ASIC2: variants seen among roughly 807,000 people sequenced by gnomAD.
ASIC2 encodes the protein acid-sensing ion channel 2.
A neutral mutation model predicts 57.3 loss-of-function variants in ASIC2; 25 were observed. That is an observed-to-expected ratio of 0.44 (90% CI 0.32 to 0.61). The LOEUF (loss-of-function observed/expected upper bound fraction) is 0.61, where lower values mean the gene tolerates loss of function less well. Ranked by LOEUF, ASIC2 falls within the 20% of genes least tolerant of loss-of-function variation. ASIC2 has a pLI of 0.06. For missense variants in ASIC2, 641 were observed against 738.1 expected (o/e 0.87, Z 1.52); for synonymous variants, 319 against 307.5 (o/e 1.04, Z -0.39).
chr17:33,935,525 A>C (rs1410986214), intron 1 of ASIC2: 1 of 152,252 alleles, frequency 6.6e-6, no homozygotes, highest in African/African-American at 2.4e-5. Flanking sequence ...AATAAGGAAT[A>C]GCAATGAAAA....
intron 1 of ASIC2, among the ~76,000 whole-genome samples, chr17:33,940,959 G>A (rs367589847): frequency 1.7e-4 from 26 of 152,356 alleles, no homozygotes; most frequent in Middle Eastern, 3.4e-3. Context: ...AGCCTCCAGG[G>A]CCAGGCTGAG....
chr17:33,624,482 T>G (rs901811722), intron 1 of ASIC2, among the ~76,000 whole-genome samples: 2 of 152,238 alleles, frequency 1.3e-5, no homozygotes, highest in Non-Finnish European at 2.9e-5. Context: ...GGTACTGCAC[T>G]TGGACAAGTC....
intron 1 of ASIC2, among the ~76,000 whole-genome samples, chr17:33,878,571 G>T (rs1005006179): frequency 3.3e-5 from 5 of 152,174 alleles, no homozygotes; most frequent in African/African-American, 4.8e-5. Context: ...AGAATAAAAA[G>T]AAATGAACGA....
chr17:33,617,064 A>G (rs1038480945), intron 1 of ASIC2, among the ~76,000 whole-genome samples: 3 of 152,214 alleles, frequency 2.0e-5, no homozygotes, highest in Non-Finnish European at 4.4e-5. Context: ...TTCCTAACCT[A>G]ACATTTGTGA....
intron 1 of ASIC2, among the ~76,000 whole-genome samples, chr17:34,095,809 G>C (rs1303925512): frequency 2.7e-5 from 4 of 149,270 alleles, no homozygotes; most frequent in Non-Finnish European, 5.9e-5. Context: ...AGATGGGGAG[G>C]GTTCATAGAC....
chr17:33,722,607 G>GAAA (rs34281265), intron 1 of ASIC2, among the ~76,000 whole-genome samples: 1 of 141,190 alleles, frequency 7.1e-6, no homozygotes. Flanking sequence ...TACAAAAAAG[G>GAAA]AAAAAAAAAA....
intron 1 of ASIC2, among the ~76,000 whole-genome samples, chr17:34,068,988 C>A (rs897477695): frequency 6.6e-6 from 1 of 152,166 alleles, no homozygotes; most frequent in Non-Finnish European, 1.5e-5. Context: ...ATTAGCCACG[C>A]CACTCAAAGC....
intron 1 of ASIC2, among the ~76,000 whole-genome samples, chr17:33,758,109 CA>C (rs1287136576): frequency 6.6e-6 from 1 of 152,170 alleles, no homozygotes; most frequent in Non-Finnish European, 1.5e-5. Context: ...AAACCGCAAA[CA>C]CTGTACATGG....
At chr17:33,663,061 A>G (rs61412630) in intron 1 of ASIC2, among the ~76,000 whole-genome samples, 5,379 of 152,234 alleles carry the variant, frequency 0.035, 312 homozygotes, top group African/African-American at 0.12. Context: ...CTGCACGCAC[A>G]CACACTGACG....
intron 1 of ASIC2, among the ~76,000 whole-genome samples, chr17:33,568,823 G>T (rs746606684): frequency 6.6e-6 from 1 of 152,206 alleles, no homozygotes; most frequent in South Asian, 2.1e-4. Context: ...GGCCATATGG[G>T]TGTTCTTACA....
Position 34,037,622 on chromosome 17 carries a change from C to A in ASIC2, c.555+118356G>T, listed in dbSNP as rs1907939386. 8 of 1,595,090 alleles carry A rather than the reference C, an allele frequency of 5.0e-6. 1 individual carries two copies. Among genetic ancestry groups the A allele is most frequent in the South Asian group, 4.6e-5 (4 of 86,878 alleles). ...CAGTTTGTGGCCTTGGAGTCAGTCT[C>A]AATTAGAAGAACTGTTATTGGACGC... On this transcript the variant is annotated intron_variant, in intron 1 of 9. Transcript: ENST00000359872.
intron 1 of ASIC2, among the ~76,000 whole-genome samples, chr17:33,954,012 G>T (rs1010760005): frequency 2.6e-5 from 4 of 152,168 alleles, no homozygotes; most frequent in Admixed American, 6.5e-5. Context: ...GAGTATTTAG[G>T]CAGGACCACA....
At chr17:33,277,087 AT>A (rs1192063427) in intron 1 of ASIC2, among the ~76,000 whole-genome samples, 1 of 152,212 alleles carries the variant, frequency 6.6e-6, no homozygotes, top group African/African-American at 2.4e-5. Context: ...CATTTTTGCA[AT>A]ATTCCCAGGT....
At chr17:33,543,323 C>T (rs1341066945) in intron 1 of ASIC2, among the ~76,000 whole-genome samples, 1 of 149,992 alleles carries the variant, frequency 6.7e-6, no homozygotes, top group Non-Finnish European at 1.5e-5. Context: ...AATCAATCTT[C>T]AGTTTGTGTG....
At chr17:33,240,326 T>A (rs1202573382) in intron 1 of ASIC2, among the ~76,000 whole-genome samples, 3 of 151,474 alleles carry the variant, frequency 2.0e-5, no homozygotes, top group African/African-American at 7.3e-5. Context: ...AACCTACAGG[T>A]TTTTTTTTGG....
At chr17:33,768,327 T>G (rs1910996438) in intron 1 of ASIC2, among the ~76,000 whole-genome samples, 1 of 152,144 alleles carries the variant, frequency 6.6e-6, no homozygotes, top group Non-Finnish European at 1.5e-5. Flanking sequence ...TTTTAAAAAG[T>G]AACTCCCACA....
chr17:33,044,545 A>T (rs2091944017), intron 3 of ASIC2, among the ~76,000 whole-genome samples: 1 of 152,058 alleles, frequency 6.6e-6, no homozygotes, highest in East Asian at 1.9e-4. Flanking sequence ...GTATTTTTGT[A>T]GAGATGGGGT....
chr17:33,148,755 A>G (rs1028333208), intron 1 of ASIC2, among the ~76,000 whole-genome samples: 2 of 152,242 alleles, frequency 1.3e-5, no homozygotes, highest in African/African-American at 4.8e-5. Context: ...GTCATAATAA[A>G]ACAGTTGTAT....
At chr17:33,165,087 C>T (rs1192219395) in intron 1 of ASIC2, among the ~76,000 whole-genome samples, 1 of 152,194 alleles carries the variant, frequency 6.6e-6, no homozygotes, top group Non-Finnish European at 1.5e-5. Flanking sequence ...TAGCATAGAA[C>T]CTGGACACTG....
Sources: gnomAD v4.1 joint callset for allele counts (sites outside exome capture counted in the v4.1 genomes callset) on GRCh38, gnomAD v4.1.1 for gene constraint, MANE v1.5 for transcripts, NCBI Gene and HGNC (gene_info 2026-07-23, HGNC 2026-07-21) for gene names.